ST6GALNAC2: variants seen among roughly 807,000 people sequenced by gnomAD.
The protein encoded by ST6GALNAC2 is alpha-N-acetylgalactosaminide alpha-2,6-sialyltransferase 2.
Under a neutral mutation model 38.7 loss-of-function variants are expected in ST6GALNAC2, and 42 were observed. That is an observed-to-expected ratio of 1.09 (90% CI 0.85 to 1.40). The LOEUF is 1.40. ST6GALNAC2 is among the 40% of genes most tolerant of loss of function. The pLI, the probability that ST6GALNAC2 is intolerant of heterozygous loss-of-function variation, is 0.00. For synonymous variants in ST6GALNAC2, 233 were observed against 209.0 expected (o/e 1.11, Z -0.99); for missense variants, 506 against 481.7 (o/e 1.05, Z -0.47).
chr17:76,568,838 C>G (rs375752344), intron 6 of ST6GALNAC2, 42 bp from the exon 7 acceptor site: 17 of 1,602,114 alleles, frequency 1.1e-5, no homozygotes, highest in Non-Finnish European at 1.4e-5. Context: ...CCAGAGCCGT[C>G]GTATTGCAAG....
In ST6GALNAC2 at chr17:76,573,358, C is replaced by A; in HGVS notation, c.367G>T (p.Ala123Ser). Residue 123 changes from alanine to serine, a missense_variant, in exon 4 of 9, where the codon GCC (alanine) becomes TCC (serine). Ala to Ser is a moderately conservative substitution (Grantham distance 99, BLOSUM62 1). Transcript: ENST00000225276. The surrounding 1 kb of genome is among the most constrained non-coding windows in gnomAD (Gnocchi z 5.1). ...CCGTTCAGAAGGCTCAGGGTGGAGG[C>A]GATGACTGTGGGTGCAGATGGGGAG... ...GWRGLSHQVI[A>S]STLSLLNGSE... 1 of 1,540,332 alleles carries A rather than the reference C, an allele frequency of 6.5e-7. No homozygotes were observed. The highest frequency in any genetic ancestry group is 1.2e-5 in the South Asian group (1 of 83,356).
chr17:76,568,866 G>C, intron 6 of ST6GALNAC2, 70 bp from the exon 7 acceptor site: 4 of 1,517,794 alleles, frequency 2.6e-6, no homozygotes, highest in African/African-American at 1.4e-5. Context: ...TGGAGGGGAG[G>C]GTCAGGGCGC....
rs146940594 is a variant in ST6GALNAC2 at position 76,568,739 on chromosome 17, C to T, written c.831G>A (p.Pro277=). ...ASASKFKLLH[P]DFISYLTERF... is the part of the protein sequence containing the mutation. ...TTTCTGTCAGGTAGCTGATGAAGTCCGGATGTAGCAGCTTGAATTTACTGG... is the reference window on the plus strand; with the variant it reads ...TTTCTGTCAGGTAGCTGATGAAGTCTGGATGTAGCAGCTTGAATTTACTGG... Residue 277 remains proline, a synonymous_variant, in exon 7 of 9, where the codon CCG becomes CCA. Coordinates refer to ENST00000225276, the MANE Select transcript of ST6GALNAC2 (RefSeq NM_006456.3). 2.0e-4 allele frequency: 325 copies of T among 1,613,418 alleles called. No individual in the cohort carries two copies. Among genetic ancestry groups the T allele is most frequent in the Non-Finnish European group, 2.6e-4 (312 of 1,179,962 alleles).
At chr17:76,583,794 G>T (rs72873940) in intron 1 of ST6GALNAC2, among the ~76,000 whole-genome samples, 3 of 148,200 alleles carry the variant, frequency 2.0e-5, no homozygotes, top group Non-Finnish European at 4.4e-5. Flanking sequence ...CATATGTATA[G>T]GGTACAGTGT....
At chr17:76,583,171 C>G (rs988965480) in intron 1 of ST6GALNAC2, among the ~76,000 whole-genome samples, 1 of 151,912 alleles carries the variant, frequency 6.6e-6, no homozygotes, top group African/African-American at 2.4e-5. Flanking sequence ...GTCAGGAGAT[C>G]GAGACCATCC....
Position 76,573,252 on chromosome 17 carries a change from C to A in ST6GALNAC2, c.473G>T (p.Gly158Val). The change falls in exon 4 of 9, where the codon GGC becomes GTC. Residue 158 changes from glycine to valine, a missense_variant. Physicochemically the swap from Gly to Val is moderately radical, Grantham distance 109. Coordinates refer to ENST00000225276, the MANE Select transcript of ST6GALNAC2 (RefSeq NM_006456.3). This position sits in a 1 kb window ranked among gnomAD's most constrained non-coding sequence, Gnocchi z 5.1. Reference protein sequence around the residue: ...CIRCAVVGNGGILNGSRQGPN... With the variant: ...CIRCAVVGNGVILNGSRQGPN... Reference sequence around the variant, plus strand: ...ACCCTGGCGGGACCCATTCAGAATGCCTCCGTTGCCCACCACGGCACACCG... The same window carrying A: ...ACCCTGGCGGGACCCATTCAGAATGACTCCGTTGCCCACCACGGCACACCG... 1 of 1,613,124 alleles carries A rather than the reference C, an allele frequency of 6.2e-7. No homozygotes were observed.
intron 4 of ST6GALNAC2, 77 bp from the exon 5 acceptor site, chr17:76,572,852 C>A: frequency 6.4e-7 from 1 of 1,554,448 alleles, no homozygotes; most frequent in South Asian, 1.1e-5. Flanking sequence ...ACGGCTCTGC[C>A]TGGCCTATCC....
At chr17:76,583,375 C>CAAAAAAAAAAAAAAAAA (rs71158028) in intron 1 of ST6GALNAC2, among the ~76,000 whole-genome samples, 4 of 97,536 alleles carry the variant, frequency 4.1e-5, no homozygotes, top group African/African-American at 7.7e-5. Flanking sequence ...GACTCTGTCC[C>CAAAAAAAAAAAAAAAAA]AAAAAAAAAA....
At chr17:76,575,036 C>T (rs975609467) in intron 2 of ST6GALNAC2, among the ~76,000 whole-genome samples, 3 of 152,132 alleles carry the variant, frequency 2.0e-5, no homozygotes, top group Admixed American at 2.0e-4. Flanking sequence ...CTGGATTTAG[C>T]CTGCCTAGCT....
At chr17:76,584,755 T>C (rs528338343) in intron 1 of ST6GALNAC2, among the ~76,000 whole-genome samples, 12 of 152,330 alleles carry the variant, frequency 7.9e-5, no homozygotes, top group Non-Finnish European at 1.2e-4. Flanking sequence ...CAGATACTTA[T>C]TTTGTTTTCA....
At chr17:76,572,548 G>T in intron 5 of ST6GALNAC2, 89 bp downstream of exon 5, 2 of 1,475,876 alleles carry the variant, frequency 1.4e-6, no homozygotes, top group Non-Finnish European at 9.3e-7. Flanking sequence ...CTGGACCAGG[G>T]TGTGTGAGCC....
chr17:76,585,609 G>A, intron 1 of ST6GALNAC2, 75 bp downstream of exon 1: 14 of 1,408,444 alleles, frequency 9.9e-6, no homozygotes, highest in Non-Finnish European at 1.3e-5. Flanking sequence ...GGCCGCCGGG[G>A]AGCCCTGGGC....
chr17:76,578,208 G>T (rs1196442020), intron 2 of ST6GALNAC2, among the ~76,000 whole-genome samples: 4 of 152,064 alleles, frequency 2.6e-5, no homozygotes, highest in South Asian at 2.1e-4. Flanking sequence ...ACCTAAGCGG[G>T]GTACTTAACT....
At chr17:76,584,802 G>A (rs928642177) in intron 1 of ST6GALNAC2, among the ~76,000 whole-genome samples, 2 of 152,242 alleles carry the variant, frequency 1.3e-5, no homozygotes, top group Non-Finnish European at 2.9e-5. Context: ...TAGGGGGTGC[G>A]CAGATGGAAA....
rs373585653 is a variant in ST6GALNAC2 at position 76,566,226 on chromosome 17, C to T, written c.1003G>A (p.Asp335Asn). 9.9e-5 allele frequency: 159 copies of T among 1,613,920 alleles called. No individual in the cohort carries two copies. The highest frequency in any genetic ancestry group is 1.5e-4 in the South Asian group (14 of 91,052). The change falls in exon 9 of 9, where the codon GAC becomes AAC. Residue 335 changes from aspartate (D) to asparagine (N), a missense_variant. Asp to Asn is a conservative substitution (Grantham distance 23). Transcript: ENST00000225276. Reference protein sequence around the residue: ...FITSNYWKFSDHYFERKMKPL... With the variant: ...FITSNYWKFSNHYFERKMKPL... ...TTCATTTTTCGTTCGAAATAGTGGTCGGAAAATTTCCAGTAGTTGCTTGTG... is the reference window on the plus strand; with the variant it reads ...TTCATTTTTCGTTCGAAATAGTGGTTGGAAAATTTCCAGTAGTTGCTTGTG...
intron 1 of ST6GALNAC2, among the ~76,000 whole-genome samples, chr17:76,584,253 C>T (rs1000167981): frequency 7.1e-5 from 10 of 141,614 alleles, no homozygotes; most frequent in South Asian, 2.2e-4. Flanking sequence ...AGTGCAGTGG[C>T]GCGATCACAG....
At chr17:76,580,107 A>T (rs1022685979) in intron 1 of ST6GALNAC2, among the ~76,000 whole-genome samples, 3 of 152,200 alleles carry the variant, frequency 2.0e-5, no homozygotes, top group African/African-American at 7.2e-5. Flanking sequence ...CAGAGACTGT[A>T]TGTTAGCACA....
At chr17:76,570,520 T>A in intron 6 of ST6GALNAC2, 45 bp downstream of exon 6, 15 of 1,399,196 alleles carry the variant, frequency 1.1e-5, no homozygotes, top group Non-Finnish European at 1.5e-5. Flanking sequence ...ACAGTGTCCC[T>A]TGCCCCTCTG....
intron 1 of ST6GALNAC2, among the ~76,000 whole-genome samples, chr17:76,585,092 C>A (rs2075528975): frequency 6.6e-6 from 1 of 152,224 alleles, no homozygotes; most frequent in South Asian, 2.1e-4. Flanking sequence ...AGTCACCCCT[C>A]TTTCCCTCGG....
Sources: gnomAD v4.1 joint callset for allele counts (sites outside exome capture counted in the v4.1 genomes callset) on GRCh38, gnomAD v4.1.1 for gene constraint, Gnocchi (gnomAD v3.1) non-coding constraint, MANE v1.5 for transcripts, NCBI Gene and HGNC (gene_info 2026-07-23, HGNC 2026-07-21) for gene names.